Variants in CAST observed in about 807,000 individuals in gnomAD.
The protein encoded by CAST is calpastatin, also known as MIR583 host.
CAST carries 76 observed loss-of-function variants against 119.6 expected under a neutral mutation model. The observed-to-expected ratio is 0.64, with a 90% CI of 0.53 to 0.77. CAST has a LOEUF of 0.77. CAST is among the 30% of genes least tolerant of loss of function. The pLI, the probability that CAST is intolerant of heterozygous loss-of-function variation, is 0.00. For missense variants in CAST, 953 were observed against 946.5 expected (o/e 1.01, Z -0.09); for synonymous variants, 319 against 331.6 (o/e 0.96, Z 0.41).
At chr5:96,204,591 A>C in the CAST span, among the ~76,000 whole-genome samples, 1 of 152,052 alleles carries the variant, frequency 6.6e-6, no homozygotes, top group South Asian at 2.1e-4. Flanking sequence ...AATAGATGAC[A>C]TCCAGGACAT....
chr5:96,086,540 A>G, the CAST span, among the ~76,000 whole-genome samples: 3 of 152,360 alleles, frequency 2.0e-5, no homozygotes, highest in South Asian at 2.1e-4. Flanking sequence ...GTAGGAAAGC[A>G]AAGAGGAAAT....
At chr5:96,521,195 G>GT, upstream of CAST, among the ~76,000 whole-genome samples, 1 of 152,318 alleles carries the variant, frequency 6.6e-6, no homozygotes. Context: ...TAGGAACTCA[G>GT]TAAGTGTTGA....
chr5:96,644,254 T>A (rs1291802084), intron 1 of CAST, among the ~76,000 whole-genome samples: 2 of 152,222 alleles, frequency 1.3e-5, no homozygotes, highest in African/African-American at 4.8e-5. Flanking sequence ...ATTAAGTTTC[T>A]TGTACAGTGA....
intron 11 of CAST, among the ~76,000 whole-genome samples, chr5:96,739,458 T>C (rs1454293995): frequency 6.6e-6 from 1 of 152,272 alleles, no homozygotes; most frequent in African/African-American, 2.4e-5. Flanking sequence ...CAGAATGATA[T>C]GTAGAATATG....
the CAST span, among the ~76,000 whole-genome samples, chr5:95,967,403 T>G: frequency 2.6e-5 from 3 of 115,328 alleles, no homozygotes; most frequent in East Asian, 8.2e-4. Flanking sequence ...GACAATGTAG[T>G]GAGACCCTAT....
chr5:96,491,597 A>G, the CAST span, among the ~76,000 whole-genome samples: 47 of 151,842 alleles, frequency 3.1e-4, no homozygotes, highest in African/African-American at 1.1e-3. Context: ...AGAAATGACC[A>G]TGTTAGAAAA....
chr5:96,465,572 A>T, the CAST span, among the ~76,000 whole-genome samples: 1 of 152,142 alleles, frequency 6.6e-6, no homozygotes, highest in Non-Finnish European at 1.5e-5. Context: ...AGTACATGTG[A>T]TCATTTAATG....
chr5:96,581,407 C>T (rs1159179959), intron 1 of CAST, among the ~76,000 whole-genome samples: 1 of 152,014 alleles, frequency 6.6e-6, no homozygotes, highest in East Asian at 1.9e-4. Flanking sequence ...AAAATAGTCA[C>T]CATCATAAAT....
chr5:96,480,326 G>T, the CAST span, among the ~76,000 whole-genome samples: 1 of 152,092 alleles, frequency 6.6e-6, no homozygotes, highest in South Asian at 2.1e-4. Context: ...GGCATTCAGA[G>T]GAATAGTAGT....
chr5:95,990,213 A>G, the CAST span, among the ~76,000 whole-genome samples: 1 of 152,134 alleles, frequency 6.6e-6, no homozygotes, highest in African/African-American at 2.4e-5. Flanking sequence ...GGAACACAGC[A>G]AAAATGACCA....
chr5:96,421,309 T>C, the CAST span, among the ~76,000 whole-genome samples: 3 of 152,288 alleles, frequency 2.0e-5, no homozygotes, highest in Admixed American at 2.0e-4. Context: ...CCTATGGCCT[T>C]ATAGCAGCAG....
At chr5:96,660,472 C>T (rs1256711844), upstream of CAST, among the ~76,000 whole-genome samples, 1 of 152,200 alleles carries the variant, frequency 6.6e-6, no homozygotes, top group East Asian at 1.9e-4. Flanking sequence ...CAATGTTTTA[C>T]ATAGAATACT....
the CAST span, among the ~76,000 whole-genome samples, chr5:96,177,962 A>G: frequency 4.8e-4 from 73 of 152,366 alleles, no homozygotes; most frequent in Middle Eastern, 3.4e-3. Flanking sequence ...GAAATACTCA[A>G]TTGACATAAA....
At chr5:96,687,426 T>C (rs1352118619) in intron 2 of CAST, among the ~76,000 whole-genome samples, 2 of 152,254 alleles carry the variant, frequency 1.3e-5, no homozygotes, top group Non-Finnish European at 2.9e-5. Context: ...TTGGTACTGT[T>C]CTCTGCCAGT....
intron 1 of CAST, among the ~76,000 whole-genome samples, chr5:96,630,403 T>C (rs911797397): frequency 6.6e-6 from 1 of 152,200 alleles, no homozygotes; most frequent in African/African-American, 2.4e-5. Flanking sequence ...AAATCATTCT[T>C]TGTTTACTGA....
chr5:96,259,890 T>C, the CAST span, among the ~76,000 whole-genome samples: 13 of 151,988 alleles, frequency 8.6e-5, 1 homozygote, highest in African/African-American at 3.1e-4. Flanking sequence ...ATTGCTTTTT[T>C]TTTTTTTTAA....
At chr5:96,011,004 G>A in the CAST span, among the ~76,000 whole-genome samples, 8 of 152,158 alleles carry the variant, frequency 5.3e-5, no homozygotes, top group African/African-American at 1.9e-4. Flanking sequence ...CCCTTTGCTG[G>A]AGTTTTAAAG....
At chr5:96,473,463 A>G in the CAST span, among the ~76,000 whole-genome samples, 2 of 152,236 alleles carry the variant, frequency 1.3e-5, no homozygotes, top group Non-Finnish European at 2.9e-5. Context: ...GTCTGGTGCA[A>G]CTGTTCCAGG....
chr5:96,638,223 T>C (rs1747907832), intron 1 of CAST, among the ~76,000 whole-genome samples: 1 of 151,730 alleles, frequency 6.6e-6, no homozygotes, highest in South Asian at 2.1e-4. Flanking sequence ...CTGGCCAACA[T>C]TGTGAAACCC....
Sources: allele counts gnomAD v4.1 joint callset (sites outside exome capture counted in the v4.1 genomes callset), GRCh38; gene constraint gnomAD v4.1.1; transcripts MANE v1.5; gene names NCBI Gene and HGNC (gene_info 2026-07-23, HGNC 2026-07-21).